Variants in PDE4D observed in about 807,000 individuals in gnomAD.
PDE4D encodes the protein 3',5'-cyclic-AMP phosphodiesterase 4D.
In PDE4D, 24 loss-of-function variants were observed where a neutral mutation model predicts 87.4. The ratio of observed to expected loss-of-function variants is 0.27; its 90% CI spans 0.20 to 0.39. The LOEUF is 0.39. Among genes scored for constraint, PDE4D ranks in the 10% least tolerant of loss-of-function variants. The probability of loss-of-function intolerance (pLI) is 1.00; values close to 1 mark genes in which losing one functional copy is unlikely to be tolerated. For missense variants in PDE4D, 714 were observed against 1,041.0 expected, an observed-to-expected ratio of 0.69 and a Z score of 4.32; for synonymous variants, 384 against 383.2, an observed-to-expected ratio of 1.00 and a Z score of -0.02.
chr5:59,657,075 C>T (rs987868893), intron 1 of PDE4D, among the ~76,000 whole-genome samples: 1 of 152,132 alleles, frequency 6.6e-6, no homozygotes. Flanking sequence ...ACTACTATTA[C>T]AGCTATTTTC....
At chr5:59,638,733 A>C (rs1741030483) in intron 1 of PDE4D, among the ~76,000 whole-genome samples, 1 of 152,128 alleles carries the variant, frequency 6.6e-6, no homozygotes, top group Non-Finnish European at 1.5e-5. Flanking sequence ...ATTTGTAAAT[A>C]GAGGGAATAG....
At chr5:60,048,330 C>T (rs1187992037) in intron 2 of PDE4D, among the ~76,000 whole-genome samples, 8 of 152,168 alleles carry the variant, frequency 5.3e-5, no homozygotes, top group African/African-American at 1.7e-4. Flanking sequence ...ATTTGCCAGT[C>T]TGTGTCTTTT....
intron 2 of PDE4D, among the ~76,000 whole-genome samples, chr5:60,024,964 ACTC>A (rs1345289742): frequency 6.6e-6 from 1 of 152,022 alleles, no homozygotes; most frequent in African/African-American, 2.4e-5. Flanking sequence ...GGAAGGTAGA[ACTC>A]CTGGCAAGGG....
chr5:59,573,869 G>T (rs540250163), intron 1 of PDE4D, among the ~76,000 whole-genome samples: 2 of 150,292 alleles, frequency 1.3e-5, no homozygotes, highest in Non-Finnish European at 3.0e-5. Flanking sequence ...GTGGCAGCTT[G>T]CATGCGTAGT....
chr5:59,947,096 A>C (rs537513949), intron 3 of PDE4D, among the ~76,000 whole-genome samples: 2 of 152,348 alleles, frequency 1.3e-5, no homozygotes, highest in African/African-American at 4.8e-5. Context: ...AATGAGACCA[A>C]GCTGGAAACC....
intron 5 of PDE4D, among the ~76,000 whole-genome samples, chr5:59,108,284 C>G (rs1017817923): frequency 6.6e-6 from 1 of 152,084 alleles, no homozygotes; most frequent in Non-Finnish European, 1.5e-5. Context: ...TATTTTGTAT[C>G]CTAATCCTAA....
chr5:59,134,013 G>GTTGTTGTT (rs74592807), intron 5 of PDE4D, among the ~76,000 whole-genome samples: 1 of 150,858 alleles, frequency 6.6e-6, no homozygotes, highest in African/African-American at 2.4e-5. Flanking sequence ...TGTTGTTGTT[G>GTTGTTGTT]GGAAGCTCTG....
At chr5:60,013,943 A>C (rs915455506) in intron 2 of PDE4D, among the ~76,000 whole-genome samples, 1 of 151,960 alleles carries the variant, frequency 6.6e-6, no homozygotes, top group Non-Finnish European at 1.5e-5. Flanking sequence ...AAATACAAAA[A>C]TTAGCTGGGC....
intron 1 of PDE4D, among the ~76,000 whole-genome samples, chr5:60,203,268 G>C (rs1367369203): frequency 6.6e-6 from 1 of 152,152 alleles, no homozygotes; most frequent in Non-Finnish European, 1.5e-5. Context: ...ACCATGCCCG[G>C]CCTAGTGAAT....
intron 6 of PDE4D, among the ~76,000 whole-genome samples, chr5:59,024,676 G>A (rs1279438471): frequency 6.6e-6 from 1 of 151,666 alleles, no homozygotes; most frequent in African/African-American, 2.4e-5. Flanking sequence ...TTATCTTCTG[G>A]CATAAAGTAA....
chr5:60,372,099 A>G (rs1233738089), intron 1 of PDE4D, among the ~76,000 whole-genome samples: 1 of 150,638 alleles, frequency 6.6e-6, no homozygotes, highest in African/African-American at 2.4e-5. Flanking sequence ...GTCTAGGAGC[A>G]TACCAGCTGC....
intron 1 of PDE4D, among the ~76,000 whole-genome samples, chr5:59,393,261 G>A (rs948285852): frequency 1.3e-5 from 2 of 152,236 alleles, no homozygotes; most frequent in South Asian, 4.2e-4. Context: ...TGAGATCAAT[G>A]CCAGAGATGG....
At position 60,271,374 on chromosome 5, in the gene PDE4D, T is replaced by C. The variant is rs1750791635; in HGVS notation, c.-89-85687A>G. ...TATTTTTGTTGGTAATAGCTACTAT[T>C]ACATGAGATCAAGCCCATAGAAATG... On this transcript the variant is annotated intron_variant, in intron 1 of 16. Coordinates refer to the PDE4D transcript ENST00000502484. Among the ~76,000 whole-genome samples the C allele has an allele frequency of 2.6e-5, 4 of 152,328 alleles. No individual in the cohort carries two copies. The South Asian group carries it at 8.3e-4, about 32-fold the overall frequency.
intron 1 of PDE4D, among the ~76,000 whole-genome samples, chr5:60,403,172 G>A (rs1741235882): frequency 6.6e-6 from 1 of 152,190 alleles, no homozygotes; most frequent in Non-Finnish European, 1.5e-5. Flanking sequence ...GTCTTAGGAG[G>A]CTCGGCAGGT....
intron 1 of PDE4D, among the ~76,000 whole-genome samples, chr5:59,704,123 T>G (rs1405579928): frequency 6.6e-6 from 1 of 152,130 alleles, no homozygotes; most frequent in African/African-American, 2.4e-5. Flanking sequence ...GAATGAACAT[T>G]TACTCATTGT....
intron 1 of PDE4D, among the ~76,000 whole-genome samples, chr5:59,888,930 T>C (rs971119400): frequency 2.6e-5 from 4 of 152,002 alleles, no homozygotes; most frequent in Non-Finnish European, 5.9e-5. Context: ...TGTTAACATA[T>C]TTAAAAAACT....
intron 6 of PDE4D, among the ~76,000 whole-genome samples, chr5:59,021,438 T>C (rs1413480715): frequency 2.0e-5 from 3 of 152,214 alleles, no homozygotes; most frequent in African/African-American, 7.2e-5. Flanking sequence ...CCCTGTTGAT[T>C]CAAGCTCCAA....
chr5:59,370,372 C>T (rs1455729192), intron 1 of PDE4D, among the ~76,000 whole-genome samples: 1 of 152,174 alleles, frequency 6.6e-6, no homozygotes, highest in Non-Finnish European at 1.5e-5. Context: ...TTACTCAGTT[C>T]CCACAATACT....
intron 3 of PDE4D, among the ~76,000 whole-genome samples, chr5:59,984,359 T>A (rs1762205128): frequency 6.6e-6 from 1 of 152,180 alleles, no homozygotes; most frequent in African/African-American, 2.4e-5. Flanking sequence ...TCGAGGAAGG[T>A]CAGTAAACAG....
Sources: allele counts gnomAD v4.1 joint callset (sites outside exome capture counted in the v4.1 genomes callset), GRCh38; gene constraint gnomAD v4.1.1; transcripts MANE v1.5; gene names NCBI Gene and HGNC (gene_info 2026-07-23, HGNC 2026-07-21).